VPS13C: variants seen among roughly 807,000 people sequenced by gnomAD.
The protein encoded by VPS13C is intermembrane lipid transfer protein VPS13C.
In VPS13C, 358 loss-of-function variants were observed where a neutral mutation model predicts 456.8. The ratio of observed to expected loss-of-function variants is 0.78; its 90% confidence interval spans 0.72 to 0.86. The LOEUF (loss-of-function observed/expected upper bound fraction) is 0.86, where lower values mean the gene tolerates loss of function less well. Ranked by LOEUF, VPS13C falls within the 40% of genes least tolerant of loss-of-function variation. VPS13C has a pLI of 0.00. For missense variants in VPS13C, 4,818 were observed against 4,385.4 expected (o/e 1.10, Z -2.79); for synonymous variants, 1,578 against 1,486.7 (o/e 1.06, Z -1.41).
Position 61,966,087 on chromosome 15 carries a change from A to G in VPS13C, c.3047T>C (p.Val1016Ala). 2 of 1,601,948 alleles carry G rather than the reference A, an allele frequency of 1.2e-6. No individual in the cohort carries two copies. Among genetic ancestry groups the G allele is most frequent in the Non-Finnish European group, 1.7e-6 (2 of 1,173,340 alleles). ...QTAFGKTEQTVKVAFSSLNLL... is the reference protein window; with the variant it reads ...QTAFGKTEQTAKVAFSSLNLL... ...TCCTTTAACAGAATTTCTTACCTTA[A>G]CTGTTTGTTCAGTTTTTCCAAAAGC... The change falls in exon 30 of 85, where the codon GTT (valine) becomes GCT (alanine). Residue 1016 changes from valine to alanine, a missense_variant. Val to Ala is a moderately conservative substitution (Grantham distance 64). Coordinates refer to ENST00000644861, the MANE Select transcript of VPS13C (RefSeq NM_020821.3).
At chr15:61,892,243 C>G (rs185710689) in intron 66 of VPS13C, among the ~76,000 whole-genome samples, 1 of 152,154 alleles carries the variant, frequency 6.6e-6, no homozygotes, top group African/African-American at 2.4e-5. Context: ...CCAAAGGAAA[C>G]GCCTATTCAG....
intron 49 of VPS13C, among the ~76,000 whole-genome samples, chr15:61,932,657 T>C (rs1274863613): frequency 1.3e-5 from 2 of 152,272 alleles, no homozygotes; most frequent in East Asian, 3.9e-4. Flanking sequence ...GCACACTGGT[T>C]AGAACTCCAC....
intron 19 of VPS13C, 145 bp downstream of exon 19, chr15:61,984,712 G>T: frequency 1.3e-6 from 1 of 791,364 alleles, no homozygotes; most frequent in Non-Finnish European, 2.0e-6. Flanking sequence ...CAAAACAAGA[G>T]CAAATATAAA....
chr15:62,008,098 G>A (rs2046913410), intron 14 of VPS13C, among the ~76,000 whole-genome samples: 1 of 152,126 alleles, frequency 6.6e-6, no homozygotes, highest in African/African-American at 2.4e-5. Flanking sequence ...CAGGCGTGGT[G>A]GTGGGTGCCT....
At chr15:61,854,745 G>T in intron 84 of VPS13C, 126 bp downstream of exon 84, 1 of 1,019,068 alleles carries the variant, frequency 9.8e-7, no homozygotes, top group Non-Finnish European at 1.4e-6. Flanking sequence ...AGCATATTAA[G>T]TTTATATATC....
chr15:61,996,600 C>G (rs2046391141), intron 16 of VPS13C, among the ~76,000 whole-genome samples: 1 of 151,818 alleles, frequency 6.6e-6, no homozygotes, highest in Non-Finnish European at 1.5e-5. Flanking sequence ...TAGTACATGA[C>G]ATAAAGGCAA....
chr15:61,947,499 G>A (rs1297042048), intron 42 of VPS13C, among the ~76,000 whole-genome samples, 190 bp from the exon 43 acceptor site: 2 of 151,902 alleles, frequency 1.3e-5, no homozygotes, highest in Non-Finnish European at 2.9e-5. Context: ...AAATTAGCAC[G>A]TTCCCCTTCA....
rs911753175 is a variant in VPS13C at position 61,852,985 on chromosome 15, A to G, written c.*1472T>C. On this transcript the variant is annotated 3_prime_UTR_variant, in exon 85 of 85. Coordinates refer to ENST00000644861, the MANE Select transcript of VPS13C (RefSeq NM_020821.3). ...TGTCCACATCTCCATGAATTCAGTGATTTGAAATAAATGTTGTTATGTTAA... is the reference window on the plus strand; with the variant it reads ...TGTCCACATCTCCATGAATTCAGTGGTTTGAAATAAATGTTGTTATGTTAA... 4.6e-5 allele frequency: 7 copies of G among 152,204 alleles called. No homozygotes were observed. The allele number at this position is 152,204 out of a possible 1,614,324, so 9.4% of individuals were successfully genotyped here.
rs1289722776 is a variant in VPS13C at position 62,035,015 on chromosome 15, A to G, written c.225T>C (p.Tyr75=). The G allele has an allele frequency of 5.0e-6, 8 of 1,606,670 alleles. No homozygotes were observed. The highest frequency in any genetic ancestry group is 3.4e-5 in the Admixed American group (2 of 59,382). Reference sequence around the variant, plus strand: ...CCAGGGTCGCAACAACTGCTTCTCCATAAAGGTTCTTCCAAGGAATCTTCA... The same window carrying G: ...CCAGGGTCGCAACAACTGCTTCTCCGTAAAGGTTCTTCCAAGGAATCTTCA... ...LTLKIPWKNL[Y]GEAVVATLEG... The change falls in exon 4 of 85, where the codon TAT becomes TAC. Residue 75 remains tyrosine (Y), a synonymous_variant. Coordinates refer to ENST00000644861, the MANE Select transcript of VPS13C (RefSeq NM_020821.3).
At chr15:62,051,535 C>A (rs17238301) in intron 1 of VPS13C, among the ~76,000 whole-genome samples, 1 of 152,068 alleles carries the variant, frequency 6.6e-6, no homozygotes, top group Non-Finnish European at 1.5e-5. Flanking sequence ...ACTGTTCTCC[C>A]GAATAGCAGA....
At position 61,941,873 on chromosome 15, in the gene VPS13C, C is replaced by G. The variant is rs752733846; in HGVS notation, c.5343G>C (p.Leu1781=). 4.3e-6 allele frequency: 7 copies of G among 1,613,936 alleles called. No individual in the cohort carries two copies. In the South Asian group the frequency reaches 6.6e-5, roughly 15 times the overall value. ...ACTTGTTTTCAACTCTGATTAAACC[C>G]AGATCTGCTATAACAGCATTAGGTG... The part of the protein sequence containing the change: ...SVSPNAVIAD[L]GLIRVENKFS... The change falls in exon 46 of 85, where the codon CTG becomes CTC. Residue 1781 remains leucine (L), a synonymous_variant. Transcript: ENST00000644861.
intron 5 of VPS13C, among the ~76,000 whole-genome samples, chr15:62,030,055 G>A (rs918415386): frequency 6.6e-6 from 1 of 152,006 alleles, no homozygotes; most frequent in East Asian, 1.9e-4. Flanking sequence ...AAAACAATCA[G>A]TTCAGAGGGG....
Position 62,010,571 on chromosome 15 carries a change from T to G in VPS13C, c.912A>C (p.Lys304Asn). The G allele has an allele frequency of 6.2e-7, 1 of 1,612,440 alleles. No individual in the cohort carries two copies. The highest frequency in any genetic ancestry group is 8.5e-7 in the Non-Finnish European group (1 of 1,179,408). Residue 304 changes from lysine (K) to asparagine (N), a missense_variant, in exon 13 of 85, where the codon AAA (lysine) becomes AAC (asparagine). Lys to Asn is a moderately conservative substitution (Grantham distance 94). Transcript: ENST00000644861. ...YIFQPISASAKLYMNPYAESE... is the reference protein window; with the variant it reads ...YIFQPISASANLYMNPYAESE... ...ATTCTGCATAAGGATTCATGTAGAGTTTTGCAGAGGCTGATATTGGCTGGA... is the reference window on the plus strand; with the variant it reads ...ATTCTGCATAAGGATTCATGTAGAGGTTTGCAGAGGCTGATATTGGCTGGA...
intron 41 of VPS13C, among the ~76,000 whole-genome samples, chr15:61,949,870 T>C (rs2044728132): frequency 6.6e-6 from 1 of 152,198 alleles, no homozygotes; most frequent in Non-Finnish European, 1.5e-5. Flanking sequence ...GGAAATATTA[T>C]CAGGCTTTAA....
chr15:62,017,408 T>C (rs2047295188), intron 9 of VPS13C, among the ~76,000 whole-genome samples: 1 of 152,186 alleles, frequency 6.6e-6, no homozygotes, highest in Non-Finnish European at 1.5e-5. Context: ...CTAGGGTTTT[T>C]ATGGTTTTAG....
intron 46 of VPS13C, 75 bp downstream of exon 46, chr15:61,941,688 A>C (rs1477650433): frequency 7.0e-7 from 1 of 1,436,080 alleles, no homozygotes; most frequent in African/African-American, 1.4e-5. Context: ...TTACTACAAC[A>C]TTTTACCTTA....
chr15:62,010,926 T>C (rs1258130587), intron 12 of VPS13C, among the ~76,000 whole-genome samples: 1 of 152,154 alleles, frequency 6.6e-6, no homozygotes, highest in African/African-American at 2.4e-5. Context: ...GCAAGACATT[T>C]AATGATTGTA....
At chr15:61,995,957 G>A (rs1248459937) in intron 16 of VPS13C, among the ~76,000 whole-genome samples, 1 of 152,190 alleles carries the variant, frequency 6.6e-6, no homozygotes, top group East Asian at 1.9e-4. Flanking sequence ...GAGCACAGCA[G>A]AGGAACATGG....
intron 83 of VPS13C, 117 bp from the exon 84 acceptor site, chr15:61,855,071 T>A: frequency 1.4e-6 from 1 of 733,616 alleles, no homozygotes; most frequent in Non-Finnish European, 2.2e-6. Flanking sequence ...GCTAACCAAA[T>A]ACACATATTC....
Sources: gnomAD v4.1 joint callset for allele counts (sites outside exome capture counted in the v4.1 genomes callset) on GRCh38, gnomAD v4.1.1 for gene constraint, MANE v1.5 for transcripts, NCBI Gene and HGNC (gene_info 2026-07-23, HGNC 2026-07-21) for gene names.